FSTL5: variants seen among roughly 807,000 people sequenced by gnomAD.
FSTL5 encodes follistatin-related protein 5.
FSTL5 carries 62 observed loss-of-function variants against 89.1 expected under a neutral mutation model. The ratio of observed to expected loss-of-function variants is 0.70; its 90% CI spans 0.57 to 0.86. The LOEUF is 0.86. Ranked by LOEUF, FSTL5 falls within the 40% of genes least tolerant of loss-of-function variation. The pLI is 0.00. For missense variants in FSTL5, 1,057 were observed against 1,001.6 expected, an observed-to-expected ratio of 1.06 and a Z score of -0.75; for synonymous variants, 383 against 346.2, an observed-to-expected ratio of 1.11 and a Z score of -1.18.
chr4:161,875,878 CTGTT>C (rs1398787695), intron 4 of FSTL5, among the ~76,000 whole-genome samples: 4 of 152,026 alleles, frequency 2.6e-5, no homozygotes, highest in Admixed American at 6.6e-5. Flanking sequence ...TTTGTACAAT[CTGTT>C]TGATCTACAA....
chr4:162,121,022 A>G (rs961077678), intron 1 of FSTL5, among the ~76,000 whole-genome samples: 9 of 151,900 alleles, frequency 5.9e-5, no homozygotes, highest in Admixed American at 5.9e-4. Context: ...ATGCTTATAT[A>G]TAGTTATGGT....
At chr4:161,476,189 G>GTTTTTTTTT (rs1241724019) in intron 13 of FSTL5, among the ~76,000 whole-genome samples, 4 of 106,902 alleles carry the variant, frequency 3.7e-5, no homozygotes, top group East Asian at 3.0e-4. Context: ...TTTTTTTTTT[G>GTTTTTTTTT]TTTGTTTGTT....
chr4:161,982,630 T>A (rs1735855591), intron 3 of FSTL5, among the ~76,000 whole-genome samples: 1 of 152,198 alleles, frequency 6.6e-6, no homozygotes, highest in Admixed American at 6.5e-5. Flanking sequence ...TCTTATGTAG[T>A]TTTGAATACA....
intron 2 of FSTL5, among the ~76,000 whole-genome samples, chr4:162,060,491 AT>A: frequency 6.6e-6 from 1 of 152,176 alleles, no homozygotes; most frequent in African/African-American, 2.4e-5. Context: ...AAATTAAAAC[AT>A]TTTTAAAAAA....
chr4:162,150,283 C>G (rs1733176293), intron 1 of FSTL5, among the ~76,000 whole-genome samples: 1 of 152,092 alleles, frequency 6.6e-6, no homozygotes, highest in Non-Finnish European at 1.5e-5. Flanking sequence ...AGACAGAGAT[C>G]ATTGGAGCCT....
intron 3 of FSTL5, among the ~76,000 whole-genome samples, chr4:162,006,799 C>G (rs1263926424): frequency 6.6e-6 from 1 of 151,748 alleles, no homozygotes; most frequent in Non-Finnish European, 1.5e-5. Flanking sequence ...TAAACCAGTT[C>G]CAAATTTACT....
intron 1 of FSTL5, among the ~76,000 whole-genome samples, chr4:162,117,545 G>C (rs564978844): frequency 6.6e-6 from 1 of 152,292 alleles, no homozygotes; most frequent in South Asian, 2.1e-4. Flanking sequence ...TTAGAGAGGA[G>C]AAGAGGTCCA....
At chr4:162,044,484 G>A (rs1456673235) in intron 2 of FSTL5, among the ~76,000 whole-genome samples, 1 of 152,082 alleles carries the variant, frequency 6.6e-6, no homozygotes, top group East Asian at 1.9e-4. Flanking sequence ...AATTCTTAAG[G>A]ACCTCAGGGT....
At chr4:161,443,528 AC>A (rs1732845705) in intron 15 of FSTL5, among the ~76,000 whole-genome samples, 1 of 151,986 alleles carries the variant, frequency 6.6e-6, no homozygotes, top group Non-Finnish European at 1.5e-5. Flanking sequence ...GCAAAATAAG[AC>A]AAAATCTGTA....
chr4:161,594,581 T>G (rs916895661), intron 7 of FSTL5, among the ~76,000 whole-genome samples: 2 of 152,032 alleles, frequency 1.3e-5, no homozygotes, highest in Non-Finnish European at 2.9e-5. Context: ...AATTACCATA[T>G]CTAAATTACC....
chr4:161,502,546 T>C (rs1041496411), intron 11 of FSTL5, among the ~76,000 whole-genome samples: 2 of 151,926 alleles, frequency 1.3e-5, no homozygotes, highest in Non-Finnish European at 2.9e-5. Flanking sequence ...ACTAGATTAA[T>C]TAAAATAGCG....
chr4:161,668,864 C>T (rs1184607030), intron 6 of FSTL5, among the ~76,000 whole-genome samples: 1 of 151,978 alleles, frequency 6.6e-6, no homozygotes, highest in African/African-American at 2.4e-5. Flanking sequence ...GTAATCCCAG[C>T]ACTTTGGGAG....
At chr4:161,689,642 A>T (rs1472752678) in intron 6 of FSTL5, among the ~76,000 whole-genome samples, 1 of 152,102 alleles carries the variant, frequency 6.6e-6, no homozygotes, top group African/African-American at 2.4e-5. Flanking sequence ...ACATTTTTTT[A>T]CTGAGATTAA....
chr4:161,459,338 GA>G lies in FSTL5; in HGVS notation c.1609-20del. On this transcript the variant is annotated intron_variant, in intron 13 of 15. Coordinates refer to ENST00000306100, the MANE Select transcript of FSTL5 (RefSeq NM_020116.5). ...TCACTGCCTACAATAAAGAAGAATT[GA>G]AAAAAATGTTTTAGACTAAACTATT... The G allele has an allele frequency of 6.6e-7, 1 of 1,520,410 alleles. No homozygotes were observed. Among genetic ancestry groups the G allele is most frequent in the Non-Finnish European group, 9.1e-7 (1 of 1,102,822 alleles). The allele number at this position is 1,520,410 out of a possible 1,614,324, so 94.2% of individuals were successfully genotyped here.
intron 15 of FSTL5, among the ~76,000 whole-genome samples, chr4:161,403,414 A>G (rs1167886117): frequency 6.6e-6 from 1 of 152,214 alleles, no homozygotes. Flanking sequence ...CAATTAATAT[A>G]GCAGATATGA....
chr4:162,008,554 G>A (rs1190121409), intron 3 of FSTL5, among the ~76,000 whole-genome samples: 3 of 151,930 alleles, frequency 2.0e-5, no homozygotes, highest in Admixed American at 1.3e-4. Flanking sequence ...TCCTGAGGCA[G>A]CTGACAAAAT....
At chr4:162,022,511 T>G (rs575367975) in intron 3 of FSTL5, among the ~76,000 whole-genome samples, 4 of 152,052 alleles carry the variant, frequency 2.6e-5, no homozygotes, top group African/African-American at 9.7e-5. Context: ...ATTAGAAAGA[T>G]TGCCATATAA....
intron 15 of FSTL5, among the ~76,000 whole-genome samples, chr4:161,429,585 A>C (rs1298618812): frequency 1.3e-5 from 2 of 152,212 alleles, no homozygotes; most frequent in Non-Finnish European, 2.9e-5. Context: ...ATAATTCTTC[A>C]GGACCTTATC....
At chr4:161,900,193 T>C (rs951921134) in intron 4 of FSTL5, among the ~76,000 whole-genome samples, 10 of 151,414 alleles carry the variant, frequency 6.6e-5, no homozygotes, top group African/African-American at 2.4e-4. Context: ...AGGCTCTGTC[T>C]CAAAAAGAAA....
Sources: allele counts gnomAD v4.1 joint callset (sites outside exome capture counted in the v4.1 genomes callset), GRCh38; gene constraint gnomAD v4.1.1; transcripts MANE v1.5; gene names NCBI Gene and HGNC (gene_info 2026-07-23, HGNC 2026-07-21).